Variants in TNRC6B observed in about 807,000 individuals in gnomAD.
The protein encoded by TNRC6B is trinucleotide repeat-containing gene 6B protein.
A neutral mutation model predicts 203.6 loss-of-function variants in TNRC6B; 52 were observed. That is an observed-to-expected ratio of 0.26 (90% CI 0.20 to 0.32). TNRC6B has a LOEUF of 0.32. Ranked by LOEUF, TNRC6B falls within the 10% of genes least tolerant of loss-of-function variation. The pLI is 1.00. For synonymous variants in TNRC6B, 838 were observed against 845.7 expected (o/e 0.99, Z 0.16); for missense variants, 1,923 against 2,286.2 (o/e 0.84, Z 3.24).
At chr22:40,150,174 A>G (rs555753776) in intron 3 of TNRC6B, among the ~76,000 whole-genome samples, 23 of 152,212 alleles carry the variant, frequency 1.5e-4, no homozygotes, top group Non-Finnish European at 3.2e-4. Flanking sequence ...TCAGGAGATC[A>G]AGACCATCCT....
chr22:40,141,857 C>T (rs1212833788), intron 3 of TNRC6B, among the ~76,000 whole-genome samples: 1 of 150,596 alleles, frequency 6.6e-6, no homozygotes, highest in African/African-American at 2.4e-5. Context: ...TCACTGCAAG[C>T]TCTGCCTCCC....
intron 11 of TNRC6B, among the ~76,000 whole-genome samples, chr22:40,283,923 G>A (rs920050966): frequency 1.2e-4 from 18 of 152,184 alleles, no homozygotes; most frequent in African/African-American, 3.9e-4. Flanking sequence ...TAACCCCACC[G>A]TCCAAGGACC....
In TNRC6B at chr22:40,301,241, C is replaced by T; in HGVS notation, c.4028C>T (p.Pro1343Leu). 5 of 1,564,718 alleles carry T rather than the reference C, an allele frequency of 3.2e-6. No homozygotes were observed. Among genetic ancestry groups the T allele is most frequent in the Non-Finnish European group, 4.3e-6 (5 of 1,153,700 alleles). The change falls in exon 15 of 23, where the codon CCC becomes CTC. Residue 1343 changes from proline to leucine, a missense_variant. By Grantham distance (98) the Pro-to-Leu change is moderately conservative (BLOSUM62 -3). Transcript: ENST00000454349. Reference protein sequence around the residue: ...MKHSPSHPVGPKPHLDNMVPN... With the variant: ...MKHSPSHPVGLKPHLDNMVPN... ...CACTCGCCCTCTCATCCTGTTGGGC[C>T]CAAGCCGCATCTGGACAACATGGTA...
chr22:40,156,683 T>C (rs529055453), intron 4 of TNRC6B, among the ~76,000 whole-genome samples: 2 of 151,988 alleles, frequency 1.3e-5, no homozygotes, highest in East Asian at 1.9e-4. Flanking sequence ...ATAAATAATA[T>C]AACTTAGCCA....
chr22:40,174,824 C>CAA (rs1179268276), upstream of TNRC6B, among the ~76,000 whole-genome samples: 2 of 86,744 alleles, frequency 2.3e-5, no homozygotes. Context: ...GACTCCATCT[C>CAA]AAAAAAAAAA....
intron 3 of TNRC6B, among the ~76,000 whole-genome samples, chr22:40,127,354 C>T (rs1404966706): frequency 2.6e-5 from 4 of 152,012 alleles, no homozygotes; most frequent in South Asian, 2.1e-4. Context: ...TTCTTCTTTC[C>T]GTAGCTAAAG....
At chr22:40,194,561 G>A (rs1210954528) in intron 1 of TNRC6B, among the ~76,000 whole-genome samples, 1 of 152,200 alleles carries the variant, frequency 6.6e-6, no homozygotes, top group Non-Finnish European at 1.5e-5. Flanking sequence ...CTCCCTTTTA[G>A]AAGAAATATC....
chr22:40,217,367 A>G (rs749917540), intron 1 of TNRC6B, among the ~76,000 whole-genome samples: 2 of 152,090 alleles, frequency 1.3e-5, no homozygotes, highest in Non-Finnish European at 2.9e-5. Context: ...CTTTTCCCAT[A>G]AGTATGACCC....
At chr22:40,267,844 T>C (rs2070502022) in intron 5 of TNRC6B, among the ~76,000 whole-genome samples, 1 of 151,614 alleles carries the variant, frequency 6.6e-6, no homozygotes, top group Non-Finnish European at 1.5e-5. Context: ...CACTCCAGTT[T>C]GGGAGACAGA....
rs767978575 is a variant in TNRC6B at position 40,267,003 on chromosome 22, C to T, written c.2773C>T (p.Leu925=). 2 of 1,608,686 alleles carry T rather than the reference C, an allele frequency of 1.2e-6. No homozygotes were observed. The change falls in exon 5 of 23, where the codon CTG becomes TTG. Residue 925 remains leucine, a synonymous_variant. Coordinates refer to ENST00000454349, the MANE Select transcript of TNRC6B (RefSeq NM_001162501.2). ...GGGCCCAGCACCTCGAGAACCAAACCTGCCCACCCCAATGACCAGTAAATC... is the reference window on the plus strand; with the variant it reads ...GGGCCCAGCACCTCGAGAACCAAACTTGCCCACCCCAATGACCAGTAAATC... ...QGGPAPREPN[L]PTPMTSKSAS...
At chr22:40,129,707 TA>T (rs1425393300) in intron 3 of TNRC6B, among the ~76,000 whole-genome samples, 2 of 152,102 alleles carry the variant, frequency 1.3e-5, no homozygotes, top group Non-Finnish European at 2.9e-5. Context: ...CTGTGTCTGA[TA>T]GGGGTGCAAT....
At chr22:40,099,843 C>T (rs761844023) in intron 1 of TNRC6B, among the ~76,000 whole-genome samples, 5 of 152,094 alleles carry the variant, frequency 3.3e-5, no homozygotes, top group South Asian at 4.1e-4. Flanking sequence ...CTCCGCCTCT[C>T]GGGCTCACGC....
intron 1 of TNRC6B, among the ~76,000 whole-genome samples, chr22:40,198,195 A>T (rs1289952231): frequency 6.6e-6 from 1 of 152,114 alleles, no homozygotes; most frequent in Non-Finnish European, 1.5e-5. Flanking sequence ...AGTTTTCTTA[A>T]GTAGGTTAAA....
intron 1 of TNRC6B, among the ~76,000 whole-genome samples, chr22:40,114,808 G>A (rs1451556663): frequency 6.6e-6 from 1 of 152,160 alleles, no homozygotes; most frequent in Non-Finnish European, 1.5e-5. Flanking sequence ...CTGATCAGAT[G>A]GTAGGATTAC....
At chr22:40,075,916 T>C (rs569058785) in intron 1 of TNRC6B, among the ~76,000 whole-genome samples, 1 of 152,372 alleles carries the variant, frequency 6.6e-6, no homozygotes, top group East Asian at 1.9e-4. Flanking sequence ...TGGACTATTG[T>C]CATACATTTT....
intron 1 of TNRC6B, among the ~76,000 whole-genome samples, chr22:40,230,850 C>T (rs2069860255): frequency 6.6e-6 from 1 of 151,992 alleles, no homozygotes; most frequent in Non-Finnish European, 1.5e-5. Context: ...TGTATGTTTT[C>T]TTCTAGAAGT....
chr22:40,205,551 A>T (rs2069467775), intron 1 of TNRC6B, among the ~76,000 whole-genome samples: 1 of 152,224 alleles, frequency 6.6e-6, no homozygotes, highest in Admixed American at 6.5e-5. Flanking sequence ...TCCATTACTG[A>T]ATCTTGAAAA....
intron 4 of TNRC6B, among the ~76,000 whole-genome samples, chr22:40,167,211 C>T (rs1367500678): frequency 6.6e-6 from 1 of 152,036 alleles, no homozygotes; most frequent in Admixed American, 6.6e-5. Context: ...CCATTGAACC[C>T]GAAACAAAAG....
intron 1 of TNRC6B, among the ~76,000 whole-genome samples, chr22:40,186,070 G>C (rs1233148861): frequency 6.6e-6 from 1 of 152,140 alleles, no homozygotes; most frequent in African/African-American, 2.4e-5. Context: ...AGGCTTCCAC[G>C]TGGAAGTGAT....
Sources: gnomAD v4.1 joint callset for allele counts (sites outside exome capture counted in the v4.1 genomes callset) on GRCh38, gnomAD v4.1.1 for gene constraint, MANE v1.5 for transcripts, NCBI Gene and HGNC (gene_info 2026-07-23, HGNC 2026-07-21) for gene names.